Variants in CAGE1 observed in about 807,000 individuals in gnomAD.
CAGE1 encodes the protein cancer antigen 1, also known as cancer-associated gene 1 protein.
In CAGE1, 66 loss-of-function variants were observed where a neutral mutation model predicts 94.9. The observed-to-expected ratio is 0.70, with a 90% CI of 0.57 to 0.85. The LOEUF is 0.85. Ranked by LOEUF, CAGE1 falls within the 40% of genes least tolerant of loss-of-function variation. The pLI is 0.00. For synonymous variants in CAGE1, 319 were observed against 321.0 expected, an observed-to-expected ratio of 0.99 and a Z score of 0.07; for missense variants, 865 against 950.4, an observed-to-expected ratio of 0.91 and a Z score of 1.18.
intron 10 of CAGE1, among the ~76,000 whole-genome samples, chr6:7,355,759 T>C (rs1027319831): frequency 1.3e-5 from 2 of 152,204 alleles, no homozygotes; most frequent in African/African-American, 2.4e-5. Context: ...CCCAGGATTT[T>C]GGGAGGCCGA....
intron 11 of CAGE1, among the ~76,000 whole-genome samples, chr6:7,353,338 G>A (rs187324707): frequency 1.4e-3 from 208 of 152,164 alleles, no homozygotes; most frequent in Middle Eastern, 6.8e-3. Flanking sequence ...ACTACAATGC[G>A]ATACCACCTT....
chr6:7,384,429 A>T (rs1433431317), intron 3 of CAGE1, among the ~76,000 whole-genome samples: 1 of 152,220 alleles, frequency 6.6e-6, no homozygotes, highest in Non-Finnish European at 1.5e-5. Context: ...AGTATTAAAA[A>T]TAAAGACATT....
chr6:7,365,831 T>C lies in CAGE1; in HGVS notation c.2058A>G (p.Glu686=). Residue 686 remains glutamate (E), a synonymous_variant, in exon 8 of 14, where the codon GAA becomes GAG. Coordinates refer to ENST00000502583, the MANE Select transcript of CAGE1 (RefSeq NM_001170692.2). ...TAATAGCATGATCTTGAAATGCTTT[T>C]TCCTTAGCAATTAACTCTCTAAAGG... ...ITTFRELIAK[E]KAFQDHAIKV... is the part of the protein sequence containing the mutation. 6.5e-7 allele frequency: 1 copy of C among 1,539,510 alleles called. No homozygotes were observed.
intron 4 of CAGE1, 28 bp downstream of exon 4, chr6:7,378,589 G>A (rs1251615473): frequency 1.0e-5 from 16 of 1,525,296 alleles, no homozygotes; most frequent in Non-Finnish European, 1.4e-5. Flanking sequence ...TTATCAAATG[G>A]TTTTACAATA....
chr6:7,389,709 A>C lies in CAGE1; in HGVS notation c.-531T>G. The C allele has an allele frequency of 2.0e-6, 1 of 493,258 alleles. No individual in the cohort carries two copies. The highest frequency in any genetic ancestry group is 3.7e-6 in the Non-Finnish European group (1 of 272,874). The allele number at this position is 493,258 out of a possible 1,614,324, so 30.6% of individuals were successfully genotyped here. On this transcript the variant is annotated 5_prime_UTR_variant, in exon 1 of 14. Coordinates refer to ENST00000502583, the MANE Select transcript of CAGE1 (RefSeq NM_001170692.2). ...GCCTTCCTGAGAGCACAGAACATCC[A>C]CAGCCCTATACAGCGCGCCATCCAG...
At chr6:7,358,070 ATG>A (rs1554138204) in intron 9 of CAGE1, among the ~76,000 whole-genome samples, 18 of 120,898 alleles carry the variant, frequency 1.5e-4, no homozygotes, top group Non-Finnish European at 2.1e-4. Context: ...ATATATATAT[ATG>A]CCTCCAAAAC....
At chr6:7,344,395 G>A (rs950290290) in intron 11 of CAGE1, among the ~76,000 whole-genome samples, 7 of 152,248 alleles carry the variant, frequency 4.6e-5, no homozygotes, top group African/African-American at 1.7e-4. Context: ...GGGTCCCCCA[G>A]CAGTGCCAGC....
chr6:7,369,788 G>A, intron 6 of CAGE1, 131 bp downstream of exon 6: 1 of 862,206 alleles, frequency 1.2e-6, no homozygotes, highest in Non-Finnish European at 1.7e-6. Context: ...GATGGCTTAG[G>A]GGTCTGTATT....
At chr6:7,360,791 C>CA (rs927800739) in intron 9 of CAGE1, among the ~76,000 whole-genome samples, 1 of 151,718 alleles carries the variant, frequency 6.6e-6, no homozygotes, top group Non-Finnish European at 1.5e-5. Context: ...TAAAAAATAC[C>CA]AAAAAATTAG....
At chr6:7,384,480 T>C (rs1416000872) in intron 3 of CAGE1, among the ~76,000 whole-genome samples, 1 of 152,066 alleles carries the variant, frequency 6.6e-6, no homozygotes, top group Admixed American at 6.5e-5. Context: ...ACATGATCAG[T>C]GTAGGGCCCG....
chr6:7,366,430 GT>G (rs1176819815), intron 7 of CAGE1, among the ~76,000 whole-genome samples: 2 of 152,138 alleles, frequency 1.3e-5, no homozygotes, highest in African/African-American at 4.8e-5. Flanking sequence ...ACTGCAGAAA[GT>G]TTTCCACCAT....
intron 12 of CAGE1, among the ~76,000 whole-genome samples, chr6:7,333,425 A>G (rs1330771693): frequency 6.6e-6 from 1 of 152,110 alleles, no homozygotes; most frequent in Non-Finnish European, 1.5e-5. Flanking sequence ...ATCTTAGCCC[A>G]TAATCTTTAT....
chr6:7,337,636 G>A (rs1344347154), intron 11 of CAGE1, among the ~76,000 whole-genome samples: 2 of 152,154 alleles, frequency 1.3e-5, no homozygotes, highest in Non-Finnish European at 2.9e-5. Context: ...CCACTTTGTT[G>A]CCTTTGTACC....
rs1561843968 is a variant in CAGE1 at position 7,328,930 on chromosome 6, ATATATT to A, written c.2478+913_2478+918del. Among the ~76,000 whole-genome samples, 28 of 85,608 alleles carry A rather than the reference ATATATT, an allele frequency of 3.3e-4. 1 individual carries two copies. Among genetic ancestry groups the A allele is most frequent in the African/African-American group, 1.1e-3 (28 of 24,916 alleles). 56.2% of individuals were successfully genotyped at this position (85,608 alleles called of 152,430 possible). On this transcript the variant is annotated intron_variant, in intron 13 of 13. Coordinates refer to ENST00000502583, the MANE Select transcript of CAGE1 (RefSeq NM_001170692.2). ...TGTGTGTGTGTGTGTATATATATAT[ATATATT>A]TTTTTTTTTTTTTGAGATAGAGTCT... is the stretch of plus-strand genomic sequence containing the variant.
intron 11 of CAGE1, among the ~76,000 whole-genome samples, chr6:7,335,136 C>T (rs1051055633): frequency 3.3e-5 from 5 of 152,208 alleles, no homozygotes; most frequent in Non-Finnish European, 5.9e-5. Flanking sequence ...GACTCTTTAT[C>T]TTCTGTCATC....
At position 7,356,014 on chromosome 6, in the gene CAGE1, A is replaced by G; in HGVS notation, c.2298+11T>C. 1.4e-6 allele frequency: 2 copies of G among 1,463,546 alleles called. No homozygotes were observed. Among genetic ancestry groups the G allele is most frequent in the South Asian group, 2.4e-5 (2 of 82,250 alleles). The allele number at this position is 1,463,546 out of a possible 1,614,324, so 90.7% of individuals were successfully genotyped here. A position where few individuals can be genotyped will look rare whatever the true frequency, so the allele number is the denominator to read the frequency against. ...CTTGTCTCAAAATACAAAAGAAAAAAAAATGTCTACCTTCTTTATTAAGTT... is the reference window on the plus strand; with the variant it reads ...CTTGTCTCAAAATACAAAAGAAAAAGAAATGTCTACCTTCTTTATTAAGTT... On this transcript the variant is annotated intron_variant, in intron 10 of 13. Transcript: ENST00000502583.
chr6:7,328,912 GTGTGTGTATA>G (rs1306049504), intron 13 of CAGE1, among the ~76,000 whole-genome samples: 67 of 64,824 alleles, frequency 1.0e-3, no homozygotes, highest in African/African-American at 6.5e-4. Flanking sequence ...GTGTGTGTGT[GTGTGTGTATA>G]TATATATATA....
intron 11 of CAGE1, among the ~76,000 whole-genome samples, chr6:7,344,615 G>T (rs970387108): frequency 6.6e-6 from 1 of 152,248 alleles, no homozygotes; most frequent in South Asian, 2.1e-4. Context: ...TACGGCCCGA[G>T]ACTGGAAAGC....
chr6:7,381,103 G>C (rs532739386), intron 3 of CAGE1, among the ~76,000 whole-genome samples: 1 of 152,116 alleles, frequency 6.6e-6, no homozygotes, highest in African/African-American at 2.4e-5. Context: ...TGATCTTCTT[G>C]TTGTATACTG....
Sources: gnomAD v4.1 joint callset for allele counts (sites outside exome capture counted in the v4.1 genomes callset) on GRCh38, gnomAD v4.1.1 for gene constraint, MANE v1.5 for transcripts, NCBI Gene and HGNC (gene_info 2026-07-23, HGNC 2026-07-21) for gene names.